Variants in PDP2 observed in about 807,000 individuals in gnomAD.
PDP2 encodes pyruvate dehydrogenase phosphatase catalytic subunit 2.
A neutral mutation model predicts 34.2 loss-of-function variants in PDP2; 23 were observed. That is an observed-to-expected ratio of 0.67 (90% CI 0.48 to 0.95). PDP2 has a LOEUF of 0.95. PDP2 is among the 40% of genes least tolerant of loss of function. The probability of loss-of-function intolerance (pLI) is 0.00; values close to 1 mark genes in which losing one functional copy is unlikely to be tolerated. For missense variants in PDP2, 571 were observed against 659.6 expected, an observed-to-expected ratio of 0.87 and a Z score of 1.47; for synonymous variants, 275 against 269.2, an observed-to-expected ratio of 1.02 and a Z score of -0.21.
Position 66,888,997 on chromosome 16 carries a change from A to C in PDP2, c.*3123A>C, listed in dbSNP as rs1167984586. 6.6e-6 allele frequency: 1 copy of C among 152,114 alleles called. No individual in the cohort carries two copies. Among genetic ancestry groups the C allele is most frequent in the Non-Finnish European group, 1.5e-5 (1 of 68,022 alleles). 9.4% of individuals were successfully genotyped at this position (152,114 alleles called of 1,614,324 possible). ...TCTTTCCATGAACATTCTGGGGAGCACCTCCTGATTAAACTCCTGTCTCCC... is the reference window on the plus strand; with the variant it reads ...TCTTTCCATGAACATTCTGGGGAGCCCCTCCTGATTAAACTCCTGTCTCCC... On this transcript the variant is annotated 3_prime_UTR_variant, in exon 2 of 2. Transcript: ENST00000311765.
At chr16:66,882,760 G>A (rs760186643) in intron 1 of PDP2, among the ~76,000 whole-genome samples, 33 of 152,098 alleles carry the variant, frequency 2.2e-4, no homozygotes, top group Non-Finnish European at 3.4e-4. Flanking sequence ...GAAAGCTGTT[G>A]GTGAGTAAGG....
rs1003681399 is a variant in PDP2 at position 66,885,929 on chromosome 16, C to T, written c.*55C>T. On this transcript the variant is annotated 3_prime_UTR_variant, in exon 2 of 2. Coordinates refer to ENST00000311765, the MANE Select transcript of PDP2 (RefSeq NM_020786.4). This position sits in a 1 kb window ranked among gnomAD's most constrained non-coding sequence, Gnocchi z 4.6. ...ATAAATGCTCTTCTAAAATGTTTCA[C>T]TTACTCCTAAACTAGCTATCCAAAC... 8 of 1,511,218 alleles carry T rather than the reference C, an allele frequency of 5.3e-6. No homozygotes were observed. In the Admixed American group the frequency reaches 1.5e-4, roughly 29 times the overall value. The allele number at this position is 1,511,218 out of a possible 1,614,324, so 93.6% of individuals were successfully genotyped here. A position where few individuals can be genotyped will look rare whatever the true frequency, so the allele number is the denominator to read the frequency against.
rs1961939464 is a variant in PDP2, at chr16:66,889,969, T to C, written c.*4095T>C. Reference sequence around the variant, plus strand: ...AGTGAGACTGTGTCTAAAAAAAAAGTTTGAATTAAAAAAAAAAAAAAAAAA... The same window carrying C: ...AGTGAGACTGTGTCTAAAAAAAAAGCTTGAATTAAAAAAAAAAAAAAAAAA... On this transcript the variant is annotated 3_prime_UTR_variant, in exon 2 of 2. Coordinates refer to ENST00000311765, the MANE Select transcript of PDP2 (RefSeq NM_020786.4). 7.2e-6 allele frequency: 1 copy of C among 139,274 alleles called. No individual in the cohort carries two copies. The highest frequency in any genetic ancestry group is 1.5e-5 in the Non-Finnish European group (1 of 65,158). 8.6% of individuals were successfully genotyped at this position (139,274 alleles called of 1,614,324 possible).
intron 1 of PDP2, among the ~76,000 whole-genome samples, chr16:66,883,771 C>T (rs572553185): frequency 6.6e-6 from 1 of 151,916 alleles, no homozygotes; most frequent in East Asian, 1.9e-4. Flanking sequence ...TTTAAATGAA[C>T]ACTTATAGTC....
At position 66,885,520 on chromosome 16, in the gene PDP2, T is replaced by C. The variant is rs1961720915; in HGVS notation, c.1236T>C (p.Asp412=). The change falls in exon 2 of 2, where the codon GAT becomes GAC. Residue 412 remains aspartate, a synonymous_variant. Transcript: ENST00000311765. The surrounding 1 kb of genome is among the most constrained non-coding windows in gnomAD (Gnocchi z 4.6). Reference sequence around the variant, plus strand: ...ATAAGTTCCTTGTGCTGGCCTCAGATGGCCTGTGGGACATGCTGAGCAATG... The same window carrying C: ...ATAAGTTCCTTGTGCTGGCCTCAGACGGCCTGTGGGACATGCTGAGCAATG... ...PQDKFLVLAS[D]GLWDMLSNED... is the part of the protein sequence containing the mutation. 1 of 1,614,088 alleles carries C rather than the reference T, an allele frequency of 6.2e-7. No homozygotes were observed. Among genetic ancestry groups the C allele is most frequent in the Non-Finnish European group, 8.5e-7 (1 of 1,180,036 alleles).
At chr16:66,884,042 C>T (rs1383551726) in intron 1 of PDP2, among the ~76,000 whole-genome samples, 189 bp from the exon 2 acceptor site, 2 of 151,788 alleles carry the variant, frequency 1.3e-5, no homozygotes, top group Non-Finnish European at 2.9e-5. Flanking sequence ...GGTGTGGTGG[C>T]GGGCGCCTGT....
rs927645327 is a variant in PDP2 at position 66,888,503 on chromosome 16, T to C, written c.*2629T>C. 1 of 152,100 alleles carries C rather than the reference T, an allele frequency of 6.6e-6. No individual in the cohort carries two copies. The highest frequency in any genetic ancestry group is 1.5e-5 in the Non-Finnish European group (1 of 68,024). The allele number at this position is 152,100 out of a possible 1,614,324, so 9.4% of individuals were successfully genotyped here. ...AGACAAGGTCTTGCTTTGTCGCCCA[T>C]GCTGGAGTGCAGTGGCATCATTATA... On this transcript the variant is annotated 3_prime_UTR_variant, in exon 2 of 2. Transcript: ENST00000311765.
chr16:66,886,510 T>C lies in PDP2; in HGVS notation c.*636T>C, dbSNP rs1222665379. ...TCCTTAAACTTGCAAACACGCCTACTGTAAGCATGCTTGGAATGACTTGTT... is the reference window on the plus strand; with the variant it reads ...TCCTTAAACTTGCAAACACGCCTACCGTAAGCATGCTTGGAATGACTTGTT... On this transcript the variant is annotated 3_prime_UTR_variant, in exon 2 of 2. Coordinates refer to ENST00000311765, the MANE Select transcript of PDP2 (RefSeq NM_020786.4). 3 of 467,770 alleles carry C rather than the reference T, an allele frequency of 6.4e-6. No individual in the cohort carries two copies. The highest frequency in any genetic ancestry group is 6.9e-5 in the East Asian group (1 of 14,394). The allele number at this position is 467,770 out of a possible 1,614,324, so 29.0% of individuals were successfully genotyped here. A position where few individuals can be genotyped will look rare whatever the true frequency, so the allele number is the denominator to read the frequency against.
At position 66,885,644 on chromosome 16, in the gene PDP2, C is replaced by T. The variant is rs1221851021; in HGVS notation, c.1360C>T (p.Leu454=). ...RPANLGLMQS[L]LLQRKASGLH... is the part of the protein sequence containing the mutation. The stretch of plus-strand genomic sequence containing the variant: ...CGCCAACTTGGGGCTCATGCAGAGC[C>T]TGCTGCTGCAGAGGAAAGCCAGCGG... Residue 454 remains leucine (L), a synonymous_variant, in exon 2 of 2, where the codon CTG becomes TTG. Transcript: ENST00000311765. The surrounding 1 kb of genome is among the most constrained non-coding windows in gnomAD (Gnocchi z 4.6). 6.2e-7 allele frequency: 1 copy of T among 1,614,070 alleles called. No individual in the cohort carries two copies. Among genetic ancestry groups the T allele is most frequent in the Non-Finnish European group, 8.5e-7 (1 of 1,180,020 alleles).
chr16:66,881,414 TTC>T (rs1209391362), intron 1 of PDP2, among the ~76,000 whole-genome samples: 4 of 134,066 alleles, frequency 3.0e-5, no homozygotes, highest in Non-Finnish European at 1.5e-5. Context: ...CAAGGTTTTG[TTC>T]TGTTTTTTTT....
At chr16:66,881,468 T>A (rs1961516535) in intron 1 of PDP2, among the ~76,000 whole-genome samples, 1 of 134,946 alleles carries the variant, frequency 7.4e-6, no homozygotes, top group African/African-American at 3.1e-5. Flanking sequence ...ATTTAATTTA[T>A]TATATTCCAA....
Position 66,881,431 on chromosome 16 carries a change from T to A in PDP2, c.-55+791T>A, listed in dbSNP as rs3956601. Among the ~76,000 whole-genome samples the A allele has an allele frequency of 2.8e-3, 315 of 113,958 alleles. 1 individual carries two copies. The highest frequency in any genetic ancestry group is 4.5e-3 in the African/African-American group (102 of 22,708). The allele number at this position is 113,958 out of a possible 152,430, so 74.8% of individuals were successfully genotyped here. A position where few individuals can be genotyped will look rare whatever the true frequency, so the allele number is the denominator to read the frequency against. ...AGGTTTTGTTCTGTTTTTTTTTTTT[T>A]AATTTAATTTAATTTAATTTAATTT... On this transcript the variant is annotated intron_variant, in intron 1 of 1. Coordinates refer to ENST00000311765, the MANE Select transcript of PDP2 (RefSeq NM_020786.4).
In PDP2 at chr16:66,888,109, C is replaced by T. The variant is rs553713907; in HGVS notation, c.*2235C>T. 3.3e-5 allele frequency: 5 copies of T among 150,940 alleles called. No individual in the cohort carries two copies. The highest frequency in any genetic ancestry group is 3.3e-4 in the Admixed American group (5 of 15,102). 9.4% of individuals were successfully genotyped at this position (150,940 alleles called of 1,614,324 possible). A position where few individuals can be genotyped will look rare whatever the true frequency, so the allele number is the denominator to read the frequency against. On this transcript the variant is annotated 3_prime_UTR_variant, in exon 2 of 2. Transcript: ENST00000311765. The stretch of plus-strand genomic sequence containing the variant: ...CCTTCTTGACAGGGTCTCCCTGTAG[C>T]CAGGCTGGAGTGCAATGGCATGATC...
chr16:66,885,811 T>C lies in PDP2; in HGVS notation c.1527T>C (p.Asp509=). Residue 509 remains aspartate (D), a synonymous_variant, in exon 2 of 2, where the codon GAT becomes GAC. Transcript: ENST00000311765. This position sits in a 1 kb window ranked among gnomAD's most constrained non-coding sequence, Gnocchi z 4.6. ...PEDLARMYRD[D]ITVTVVYFNS... ...ACTTGGCGAGGATGTACAGGGATGA[T>C]ATCACTGTCACTGTGGTGTATTTTA... 1 of 1,612,642 alleles carries C rather than the reference T, an allele frequency of 6.2e-7. No individual in the cohort carries two copies. The highest frequency in any genetic ancestry group is 8.5e-7 in the Non-Finnish European group (1 of 1,179,406).
At position 66,885,451 on chromosome 16, in the gene PDP2, G is replaced by C. The variant is rs1242976324; in HGVS notation, c.1167G>C (p.Leu389=). 1.9e-6 allele frequency: 3 copies of C among 1,613,860 alleles called. No homozygotes were observed. Among genetic ancestry groups the C allele is most frequent in the Non-Finnish European group, 2.5e-6 (3 of 1,180,030 alleles). ...CACACTACTACACTCCACCCTACCTGACTGCTGAGCCTGAGGTCACATACC... is the reference window on the plus strand; with the variant it reads ...CACACTACTACACTCCACCCTACCTCACTGCTGAGCCTGAGGTCACATACC... ...TPPHYYTPPY[L]TAEPEVTYHR... is the part of the protein sequence containing the mutation. Residue 389 remains leucine (L), a synonymous_variant, in exon 2 of 2, where the codon CTG becomes CTC. Transcript: ENST00000311765. This position sits in a 1 kb window ranked among gnomAD's most constrained non-coding sequence, Gnocchi z 4.6.
At position 66,884,640 on chromosome 16, in the gene PDP2, C is replaced by T. The variant is rs1482446700; in HGVS notation, c.356C>T (p.Pro119Leu). 3 of 1,614,246 alleles carry T rather than the reference C, an allele frequency of 1.9e-6. No individual in the cohort carries two copies. The highest frequency in any genetic ancestry group is 2.2e-5 in the South Asian group (2 of 91,080). ...AGCAACCAGCTGGCTGCCAATTCCC[C>T]AGTGGAGGACCGGCGAGGTGTAGCC... ...FESNQLAANS[P>L]VEDRRGVASC... The change falls in exon 2 of 2, where the codon CCA becomes CTA. Residue 119 changes from proline (P) to leucine (L), a missense_variant. Transcript: ENST00000311765.
rs1490243084 is a variant in PDP2 at position 66,885,461 on chromosome 16, C to T, written c.1177C>T (p.Pro393Ser). 6.2e-7 allele frequency: 1 copy of T among 1,613,810 alleles called. No homozygotes were observed. The highest frequency in any genetic ancestry group is 1.3e-5 in the African/African-American group (1 of 74,918). The change falls in exon 2 of 2, where the codon CCT becomes TCT. Residue 393 changes from proline (P) to serine (S), a missense_variant. Coordinates refer to ENST00000311765, the MANE Select transcript of PDP2 (RefSeq NM_020786.4). The surrounding 1 kb of genome is among the most constrained non-coding windows in gnomAD (Gnocchi z 4.6). ...YYTPPYLTAE[P>S]EVTYHRLRPQ... is the part of the protein sequence containing the mutation. The stretch of plus-strand genomic sequence containing the variant: ...CACTCCACCCTACCTGACTGCTGAG[C>T]CTGAGGTCACATACCACAGGCTGAG...
Position 66,886,120 on chromosome 16 carries a change from A to C in PDP2, c.*246A>C. 1 of 457,460 alleles carries C rather than the reference A, an allele frequency of 2.2e-6. No individual in the cohort carries two copies. The highest frequency in any genetic ancestry group is 4.1e-6 in the Non-Finnish European group (1 of 245,670). The allele number at this position is 457,460 out of a possible 1,614,324, so 28.3% of individuals were successfully genotyped here. A position where few individuals can be genotyped will look rare whatever the true frequency, so the allele number is the denominator to read the frequency against. ...GAGGACAGAGCATAAAGTCTATAGA[A>C]TTGGCTTGGGCTTGTGTAGCCCCAG... On this transcript the variant is annotated 3_prime_UTR_variant, in exon 2 of 2. Coordinates refer to ENST00000311765, the MANE Select transcript of PDP2 (RefSeq NM_020786.4).
chr16:66,886,190 A>C lies in PDP2; in HGVS notation c.*316A>C, dbSNP rs1961759161. ...TTAAACTGTGTCAGCCTGAGCCTTC[A>C]AAGGGTAAATTTAATCATGATTCTG... On this transcript the variant is annotated 3_prime_UTR_variant, in exon 2 of 2. Coordinates refer to ENST00000311765, the MANE Select transcript of PDP2 (RefSeq NM_020786.4). The C allele has an allele frequency of 6.6e-6, 2 of 302,056 alleles. No individual in the cohort carries two copies. Among genetic ancestry groups the C allele is most frequent in the South Asian group, 9.6e-5 (2 of 20,828 alleles). The allele number at this position is 302,056 out of a possible 1,614,324, so 18.7% of individuals were successfully genotyped here. A position where few individuals can be genotyped will look rare whatever the true frequency, so the allele number is the denominator to read the frequency against.
Sources: gnomAD v4.1 joint callset for allele counts (sites outside exome capture counted in the v4.1 genomes callset) on GRCh38, gnomAD v4.1.1 for gene constraint, Gnocchi (gnomAD v3.1) non-coding constraint, MANE v1.5 for transcripts, NCBI Gene and HGNC (gene_info 2026-07-23, HGNC 2026-07-21) for gene names.